The following CEP63 variants were observed in gnomAD, a reference collection of about 807,000 sequenced individuals.
CEP63 encodes centrosomal protein of 63 kDa.
A neutral mutation model predicts 89.1 loss-of-function variants in CEP63; 84 were observed. The ratio of observed to expected loss-of-function variants is 0.94; its 90% CI spans 0.79 to 1.13. The LOEUF is 1.13. Among genes scored for constraint, CEP63 ranks in the 50% most tolerant of loss-of-function variants. The pLI is 0.00. For missense variants in CEP63, 838 were observed against 813.3 expected, an observed-to-expected ratio of 1.03 and a Z score of -0.37; for synonymous variants, 267 against 272.5, an observed-to-expected ratio of 0.98 and a Z score of 0.20.
the CEP63 span, among the ~76,000 whole-genome samples, chr3:134,612,751 C>CTGTGTGTGTGTGTGTG: frequency 8.0e-4 from 100 of 125,482 alleles, 2 homozygotes; most frequent in East Asian, 9.0e-3. Flanking sequence ...CACGCCGATG[C>CTGTGTGTGTGTGTGTG]TGTGTGTGTG....
At chr3:134,503,908 CAT>C in intron 2 of CEP63, among the ~76,000 whole-genome samples, 1 of 152,016 alleles carries the variant, frequency 6.6e-6, no homozygotes, top group Middle Eastern at 3.4e-3. Context: ...TTAGGTAGCA[CAT>C]AGTTAGGTCT....
At chr3:134,719,295 A>T in the CEP63 span, among the ~76,000 whole-genome samples, 1 of 152,078 alleles carries the variant, frequency 6.6e-6, no homozygotes, top group African/African-American at 2.4e-5. Flanking sequence ...GAGCCACCAT[A>T]CCCAGCCCAG....
chr3:134,737,438 G>A, the CEP63 span, among the ~76,000 whole-genome samples: 28 of 151,714 alleles, frequency 1.8e-4, no homozygotes, highest in South Asian at 5.2e-3. Context: ...TCTACAAACC[G>A]AAAAGCAAAA....
intron 3 of CEP63, among the ~76,000 whole-genome samples, chr3:134,508,075 G>C (rs1272154749): frequency 6.6e-6 from 1 of 152,194 alleles, no homozygotes; most frequent in Non-Finnish European, 1.5e-5. Flanking sequence ...GCTGTCATCA[G>C]CTTATTCAGG....
At chr3:134,753,432 C>T in the CEP63 span, among the ~76,000 whole-genome samples, 2 of 152,142 alleles carry the variant, frequency 1.3e-5, no homozygotes, top group Non-Finnish European at 2.9e-5. Flanking sequence ...TCTGATGGCC[C>T]ACATGCTGCA....
At chr3:134,586,954 C>T (rs9827441) in intron 10 of CEP63, among the ~76,000 whole-genome samples, 97,990 of 152,016 alleles carry the variant, frequency 0.64, 32,159 homozygotes, top group East Asian at 0.81. Context: ...TCTTCAATCA[C>T]TGATATCCTT....
the CEP63 span, among the ~76,000 whole-genome samples, chr3:134,659,902 G>A: frequency 6.6e-6 from 1 of 152,244 alleles, no homozygotes; most frequent in Admixed American, 6.5e-5. Flanking sequence ...TGTCAGTGCA[G>A]ACTCCAGCCT....
At chr3:134,756,824 G>A in the CEP63 span, among the ~76,000 whole-genome samples, 4 of 152,306 alleles carry the variant, frequency 2.6e-5, no homozygotes, top group East Asian at 7.7e-4. Flanking sequence ...GAGACTCCAG[G>A]GATGGGGGCA....
chr3:134,770,877 C>G, the CEP63 span, among the ~76,000 whole-genome samples: 1 of 152,166 alleles, frequency 6.6e-6, no homozygotes, highest in African/African-American at 2.4e-5. Flanking sequence ...CATATGCTGA[C>G]TAGCTTCAAA....
At chr3:134,646,764 G>T in the CEP63 span, among the ~76,000 whole-genome samples, 1 of 152,100 alleles carries the variant, frequency 6.6e-6, no homozygotes, top group Non-Finnish European at 1.5e-5. Context: ...TTCTCTACTG[G>T]GGCTCTGGGA....
At chr3:134,714,322 A>G in the CEP63 span, among the ~76,000 whole-genome samples, 1 of 152,172 alleles carries the variant, frequency 6.6e-6, no homozygotes, top group African/African-American at 2.4e-5. Flanking sequence ...ATTTTATTAA[A>G]AATTGTTACT....
chr3:134,662,092 C>G, the CEP63 span, among the ~76,000 whole-genome samples: 4 of 152,140 alleles, frequency 2.6e-5, no homozygotes, highest in African/African-American at 9.7e-5. Context: ...GCTGGGCCAA[C>G]AGGGTGAAAC....
the CEP63 span, among the ~76,000 whole-genome samples, chr3:134,710,822 G>C: frequency 2.0e-5 from 3 of 151,288 alleles, no homozygotes; most frequent in Non-Finnish European, 4.4e-5. Context: ...CCTGGGTTCA[G>C]GTGATTGCCC....
the CEP63 span, chr3:134,604,039 C>T: frequency 7.1e-5 from 114 of 1,613,896 alleles, no homozygotes; most frequent in Middle Eastern, 4.9e-4. Flanking sequence ...GATGTAGCGC[C>T]GCTGTGTCTC....
intron 3 of CEP63, among the ~76,000 whole-genome samples, chr3:134,525,527 C>G (rs1438820832): frequency 6.6e-6 from 1 of 152,104 alleles, no homozygotes; most frequent in African/African-American, 2.4e-5. Flanking sequence ...CATTTGCATT[C>G]AAGGTTAGTA....
chr3:134,496,730 C>A (rs1171609280), intron 2 of CEP63, among the ~76,000 whole-genome samples: 1 of 152,086 alleles, frequency 6.6e-6, no homozygotes, highest in African/African-American at 2.4e-5. Context: ...ACATCGGGTC[C>A]CTGTGGGCAT....
rs1326273410 is a variant in CEP63 at position 134,486,108 on chromosome 3, T to G, written c.-120T>G. ...TCTGGAGAAGGCATTGTTTCAATTA[T>G]TAAAAGTGTGGGGGCAGTGGGCGGA... On this transcript the variant is annotated 5_prime_UTR_variant, in exon 1 of 15. Coordinates refer to ENST00000675561, the MANE Select transcript of CEP63 (RefSeq NM_001353108.3). 1 of 985,400 alleles carries G rather than the reference T, an allele frequency of 1.0e-6. No homozygotes were observed. Among genetic ancestry groups the G allele is most frequent in the East Asian group, 1.1e-4 (1 of 8,826 alleles). 61.0% of individuals were successfully genotyped at this position (985,400 alleles called of 1,614,324 possible).
At chr3:134,754,569 C>T in the CEP63 span, among the ~76,000 whole-genome samples, 3 of 152,086 alleles carry the variant, frequency 2.0e-5, no homozygotes, top group Admixed American at 6.5e-5. Context: ...TTGAGACTCT[C>T]GGCTTCTCCA....
At chr3:134,636,518 G>A in the CEP63 span, among the ~76,000 whole-genome samples, 43 of 152,336 alleles carry the variant, frequency 2.8e-4, no homozygotes, top group Admixed American at 5.9e-4. Flanking sequence ...GGTTGTAGAT[G>A]AGAGCCCACA....
Sources: allele counts gnomAD v4.1 joint callset (sites outside exome capture counted in the v4.1 genomes callset), GRCh38; gene constraint gnomAD v4.1.1; transcripts MANE v1.5; gene names NCBI Gene and HGNC (gene_info 2026-07-23, HGNC 2026-07-21).